The following PRDM10 variants were observed in gnomAD, a reference collection of about 807,000 sequenced individuals.
The protein encoded by PRDM10 is PR domain zinc finger protein 10.
Under a neutral mutation model 133.1 loss-of-function variants are expected in PRDM10, and 65 were observed. The observed-to-expected ratio is 0.49, with a 90% CI of 0.40 to 0.60. The LOEUF (loss-of-function observed/expected upper bound fraction) is 0.60, where lower values mean the gene tolerates loss of function less well. Ranked by LOEUF, PRDM10 falls within the 20% of genes least tolerant of loss-of-function variation. The pLI, the probability that PRDM10 is intolerant of heterozygous loss-of-function variation, is 0.00. For missense variants in PRDM10, 1,137 were observed against 1,507.1 expected (o/e 0.75, Z 4.07); for synonymous variants, 582 against 580.4 (o/e 1.00, Z -0.04).
chr11:129,912,779 G>C (rs1950230510), intron 17 of PRDM10, among the ~76,000 whole-genome samples: 1 of 149,298 alleles, frequency 6.7e-6, no homozygotes, highest in African/African-American at 2.5e-5. Context: ...TAGTCAGGCA[G>C]CAGGGTGCAG....
chr11:129,951,199 T>C (rs78388354), intron 4 of PRDM10, among the ~76,000 whole-genome samples: 1,943 of 152,350 alleles, frequency 0.013, 24 homozygotes, highest in Non-Finnish European at 0.02. Context: ...TGGTGTTTAC[T>C]GAGTGCTAGG....
chr11:129,991,876 G>A (rs935485049), intron 1 of PRDM10, among the ~76,000 whole-genome samples: 40 of 149,726 alleles, frequency 2.7e-4, no homozygotes, highest in Admixed American at 2.2e-3. Flanking sequence ...CCAGCTACTC[G>A]GGGAGCTGAG....
At chr11:129,994,326 G>C (rs1471370259) in intron 1 of PRDM10, among the ~76,000 whole-genome samples, 2 of 117,534 alleles carry the variant, frequency 1.7e-5, no homozygotes, top group Non-Finnish European at 3.3e-5. Flanking sequence ...TTAGCCAGGC[G>C]TGGTGGTGGG....
chr11:129,958,261 G>A (rs1297279242), intron 2 of PRDM10, among the ~76,000 whole-genome samples: 1 of 152,080 alleles, frequency 6.6e-6, no homozygotes, highest in African/African-American at 2.4e-5. Context: ...GAAAAAATAC[G>A]TCAAGACTCA....
intron 8 of PRDM10, 48 bp from the exon 9 acceptor site, chr11:129,935,266 C>G (rs2135830841): frequency 7.1e-7 from 1 of 1,403,780 alleles, no homozygotes; most frequent in South Asian, 1.2e-5. Flanking sequence ...CAATAGACAC[C>G]AGTAAAACTC....
At chr11:129,963,905 G>A (rs918972106) in intron 1 of PRDM10, among the ~76,000 whole-genome samples, 3 of 152,112 alleles carry the variant, frequency 2.0e-5, no homozygotes, top group South Asian at 4.1e-4. Flanking sequence ...CACACAGCAC[G>A]CTCAGCTGTC....
At chr11:129,932,287 A>G (rs1301943721) in intron 9 of PRDM10, 56 bp from the exon 10 acceptor site, 4 of 1,585,746 alleles carry the variant, frequency 2.5e-6, no homozygotes, top group African/African-American at 2.7e-5. Context: ...CTCCATAACA[A>G]GTAGCGACCT....
At chr11:129,922,033 C>T (rs1479524045) in intron 13 of PRDM10, among the ~76,000 whole-genome samples, 1 of 152,136 alleles carries the variant, frequency 6.6e-6, no homozygotes. Flanking sequence ...GGGCATACTG[C>T]TGACTTCCGA....
intron 3 of PRDM10, 24 bp from the exon 4 acceptor site, chr11:129,955,595 A>T (rs766469543): frequency 2.2e-5 from 36 of 1,610,970 alleles, no homozygotes; most frequent in Non-Finnish European, 5.1e-6. Context: ...CGAACAAAAA[A>T]TTATCAGTAG....
chr11:129,957,844 G>A lies in PRDM10; in HGVS notation c.136C>T (p.Pro46Ser). The change falls in exon 3 of 21, where the codon CCA (proline) becomes TCA (serine). Residue 46 changes from proline (P) to serine (S), a missense_variant. By Grantham distance (74) the Pro-to-Ser change is moderately conservative (BLOSUM62 -1). Transcript: ENST00000360871. ...TCTGCCGTGTACACCACCTGCTGTG[G>A]GGGGCGAACCTGGTCATCGGTATAG... ...IVYTDDQVRP[P>S]QQVVYTADGA... 1 of 1,614,174 alleles carries A rather than the reference G, an allele frequency of 6.2e-7. No homozygotes were observed. Among genetic ancestry groups the A allele is most frequent in the Non-Finnish European group, 8.5e-7 (1 of 1,180,002 alleles).
At chr11:129,929,000 T>C (rs1950769069) in intron 11 of PRDM10, among the ~76,000 whole-genome samples, 1 of 152,216 alleles carries the variant, frequency 6.6e-6, no homozygotes, top group African/African-American at 2.4e-5. Context: ...CTTTCACTCT[T>C]CCAAGTTATA....
intron 9 of PRDM10, among the ~76,000 whole-genome samples, chr11:129,932,886 G>A (rs748947542): frequency 3.9e-4 from 60 of 151,902 alleles, no homozygotes; most frequent in Non-Finnish European, 6.9e-4. Flanking sequence ...CCACCTCAGC[G>A]TCCCAAGTAG....
chr11:129,930,930 T>G (rs1591617359), intron 11 of PRDM10, 86 bp downstream of exon 11: 1 of 1,488,114 alleles, frequency 6.7e-7, no homozygotes. Context: ...GAGAGGAAGG[T>G]GAATAGGTTA....
At chr11:129,960,765 T>C (rs962676646) in intron 2 of PRDM10, 131 bp downstream of exon 2, 6 of 877,362 alleles carry the variant, frequency 6.8e-6, no homozygotes, top group South Asian at 6.4e-5. Flanking sequence ...CCCTATTCCT[T>C]GTGTACGAGT....
chr11:129,931,831 G>A (rs1950878312), intron 10 of PRDM10, among the ~76,000 whole-genome samples: 2 of 152,146 alleles, frequency 1.3e-5, no homozygotes, highest in African/African-American at 4.8e-5. Context: ...GCCTCCCAAA[G>A]CGCTGGGATT....
intron 1 of PRDM10, among the ~76,000 whole-genome samples, chr11:129,978,279 G>A (rs1185289327): frequency 6.6e-6 from 1 of 152,168 alleles, no homozygotes; most frequent in Non-Finnish European, 1.5e-5. Context: ...CCAAGGCACA[G>A]GACTCCTCCA....
At position 129,993,116 on chromosome 11, in the gene PRDM10, C is replaced by A. The variant is rs531201184; in HGVS notation, c.-119+9606G>T. Among the ~76,000 whole-genome samples, 141 of 152,304 alleles carry A rather than the reference C, an allele frequency of 9.3e-4. 1 individual carries two copies. The highest frequency in any genetic ancestry group is 3.3e-3 in the African/African-American group (136 of 41,564). The stretch of plus-strand genomic sequence containing the variant: ...GCCATCTATGAAAGTCCCTACTGTT[C>A]AACATCCAACTTTAATTTAGGTATA... On this transcript the variant is annotated intron_variant, in intron 1 of 20. Transcript: ENST00000360871.
At chr11:129,992,926 T>C (rs1346074231) in intron 1 of PRDM10, among the ~76,000 whole-genome samples, 1 of 152,222 alleles carries the variant, frequency 6.6e-6, no homozygotes, top group East Asian at 1.9e-4. Context: ...AAATAGTAAT[T>C]GAATCAGTAT....
At position 129,931,077 on chromosome 11, in the gene PRDM10, C is replaced by G. The variant is rs959468087; in HGVS notation, c.1469G>C (p.Ser490Thr). 2 of 1,614,084 alleles carry G rather than the reference C, an allele frequency of 1.2e-6. No individual in the cohort carries two copies. The highest frequency in any genetic ancestry group is 2.7e-5 in the African/African-American group (2 of 74,940). Reference protein sequence around the residue: ...TLHLQPQHEESVVPTQSTLTA... With the variant: ...TLHLQPQHEETVVPTQSTLTA... ...CAGCGTGCTCTGGGTGGGCACCACGCTCTCTTCATGCTGCGGCTGCAGGTG... is the reference window on the plus strand; with the variant it reads ...CAGCGTGCTCTGGGTGGGCACCACGGTCTCTTCATGCTGCGGCTGCAGGTG... Residue 490 changes from serine to threonine, a missense_variant, in exon 11 of 21, where the codon AGC becomes ACC. Transcript: ENST00000360871.
Sources: gnomAD v4.1 joint callset for allele counts (sites outside exome capture counted in the v4.1 genomes callset) on GRCh38, gnomAD v4.1.1 for gene constraint, MANE v1.5 for transcripts, NCBI Gene and HGNC (gene_info 2026-07-23, HGNC 2026-07-21) for gene names.